The following STK39 variants were observed in gnomAD, a reference collection of about 807,000 sequenced individuals.
STK39 encodes the protein STE20/SPS1-related proline-alanine-rich protein kinase.
A neutral mutation model predicts 77.8 loss-of-function variants in STK39; 20 were observed. That is an observed-to-expected ratio of 0.26 (90% CI 0.18 to 0.37). The LOEUF is 0.37. STK39 is among the 10% of genes least tolerant of loss of function. The pLI is 1.00. For synonymous variants in STK39, 246 were observed against 234.1 expected (o/e 1.05, Z -0.47); for missense variants, 479 against 656.5 (o/e 0.73, Z 2.95).
intron 1 of STK39, among the ~76,000 whole-genome samples, chr2:168,191,529 C>T (rs1375549419): frequency 1.3e-5 from 2 of 152,182 alleles, no homozygotes; most frequent in Non-Finnish European, 2.9e-5. Flanking sequence ...TCAGCCACAC[C>T]TAAGATGTCT....
At chr2:168,077,951 A>T (rs982141512) in intron 10 of STK39, among the ~76,000 whole-genome samples, 1 of 152,040 alleles carries the variant, frequency 6.6e-6, no homozygotes, top group Non-Finnish European at 1.5e-5. Flanking sequence ...CCCACACCCA[A>T]CGATGAGAAT....
At chr2:168,059,280 C>T (rs544006305) in intron 14 of STK39, among the ~76,000 whole-genome samples, 201 of 152,220 alleles carry the variant, frequency 1.3e-3, no homozygotes, top group African/African-American at 4.6e-3. Flanking sequence ...GGACCTATAA[C>T]GATAATGGGA....
chr2:168,096,743 T>C (rs1413614813), intron 10 of STK39, among the ~76,000 whole-genome samples: 7 of 152,148 alleles, frequency 4.6e-5, no homozygotes, highest in Non-Finnish European at 4.4e-5. Context: ...AAGCTCTCCA[T>C]ACAGGAAGAA....
chr2:168,056,526 G>A (rs1008054218), intron 14 of STK39, among the ~76,000 whole-genome samples: 11 of 152,246 alleles, frequency 7.2e-5, no homozygotes, highest in African/African-American at 2.6e-4. Context: ...ACTAGCCTGT[G>A]GAGCATAACA....
chr2:168,045,799 A>G (rs1044292346), intron 14 of STK39, among the ~76,000 whole-genome samples: 1 of 152,182 alleles, frequency 6.6e-6, no homozygotes, highest in African/African-American at 2.4e-5. Flanking sequence ...GCTAGCCCCA[A>G]CCACGACATC....
chr2:168,125,767 T>G (rs1408517639), intron 10 of STK39, among the ~76,000 whole-genome samples: 1 of 152,162 alleles, frequency 6.6e-6, no homozygotes, highest in Non-Finnish European at 1.5e-5. Context: ...ATGTCGATCT[T>G]TTTCCATTTT....
At chr2:168,190,148 C>T (rs1398865256) in intron 1 of STK39, among the ~76,000 whole-genome samples, 2 of 152,140 alleles carry the variant, frequency 1.3e-5, no homozygotes, top group Non-Finnish European at 1.5e-5. Flanking sequence ...AGCCCTTCCA[C>T]CTAGACCACT....
chr2:168,232,167 A>C (rs1487264387), intron 1 of STK39: 1 of 237,686 alleles, frequency 4.2e-6, no homozygotes, highest in Non-Finnish European at 9.5e-6. Context: ...ACTTGCTGTC[A>C]CGTTTTTCAC....
intron 2 of STK39, 100 bp from the exon 3 acceptor site, chr2:168,167,507 G>T: frequency 9.9e-7 from 1 of 1,012,932 alleles, no homozygotes; most frequent in South Asian, 1.4e-5. Context: ...TTTCCTACTC[G>T]AAAGCCTACC....
chr2:168,061,863 G>GA (rs1422405537), intron 14 of STK39, among the ~76,000 whole-genome samples: 1 of 152,184 alleles, frequency 6.6e-6, no homozygotes, highest in Non-Finnish European at 1.5e-5. Context: ...TTAAGGTTCA[G>GA]TAGTACGTGT....
chr2:168,161,820 G>T lies in STK39; in HGVS notation c.595C>A (p.Leu199Ile). 6.2e-7 allele frequency: 1 copy of T among 1,607,966 alleles called. No homozygotes were observed. The highest frequency in any genetic ancestry group is 2.3e-5 in the East Asian group (1 of 44,418). Reference protein sequence around the residue: ...IHRDLKAGNILLGEDGSVQIA... With the variant: ...IHRDLKAGNIILGEDGSVQIA... The stretch of plus-strand genomic sequence containing the variant: ...TGTACTGAACCATCCTCACCCAGAA[G>T]AATATTACCAGCTTTCAAATCCCTA... The change falls in exon 5 of 18, where the codon CTT becomes ATT. Residue 199 changes from leucine to isoleucine, a missense_variant. Leu to Ile is a conservative substitution (Grantham distance 5, BLOSUM62 2). Coordinates refer to ENST00000355999, the MANE Select transcript of STK39 (RefSeq NM_013233.3).
At chr2:167,980,390 G>C (rs1683384670) in intron 16 of STK39, among the ~76,000 whole-genome samples, 2 of 152,176 alleles carry the variant, frequency 1.3e-5, no homozygotes, top group Non-Finnish European at 2.9e-5. Flanking sequence ...CCATTTTATA[G>C]AGAGGTGCTT....
chr2:168,190,641 A>G (rs1286736711), intron 1 of STK39, among the ~76,000 whole-genome samples: 1 of 152,192 alleles, frequency 6.6e-6, no homozygotes, highest in Non-Finnish European at 1.5e-5. Flanking sequence ...ATAAAACACT[A>G]AACAACAACA....
At chr2:168,042,632 T>G (rs1256571708) in intron 14 of STK39, among the ~76,000 whole-genome samples, 1 of 151,420 alleles carries the variant, frequency 6.6e-6, no homozygotes. Flanking sequence ...CCAGGCTAGA[T>G]TGCAGTGGCA....
rs143070526 is a variant in STK39 at position 168,052,121 on chromosome 2, T to A, written c.1376+11379A>T. Among the ~76,000 whole-genome samples, 217 of 151,980 alleles carry A rather than the reference T, an allele frequency of 1.4e-3. 1 individual carries two copies. Among genetic ancestry groups the A allele is most frequent in the Non-Finnish European group, 2.5e-3 (170 of 67,992 alleles). ...GAGACCTAGAGGTGGGAACTGCCAA[T>A]AGACACTGTGCCAAGCCACAGTAAC... On this transcript the variant is annotated intron_variant, in intron 14 of 17. Coordinates refer to ENST00000355999, the MANE Select transcript of STK39 (RefSeq NM_013233.3).
At chr2:168,114,303 T>A (rs1185464832) in intron 10 of STK39, among the ~76,000 whole-genome samples, 1 of 152,114 alleles carries the variant, frequency 6.6e-6, no homozygotes, top group Non-Finnish European at 1.5e-5. Flanking sequence ...CTTAAGAAAA[T>A]AAAAGACAAT....
At chr2:167,970,299 AG>A (rs1692295523) in intron 16 of STK39, among the ~76,000 whole-genome samples, 1 of 152,222 alleles carries the variant, frequency 6.6e-6, no homozygotes, top group African/African-American at 2.4e-5. Flanking sequence ...CAATGAATAC[AG>A]GAACTGTTTT....
At chr2:168,189,546 T>C (rs1689287722) in intron 1 of STK39, among the ~76,000 whole-genome samples, 1 of 152,128 alleles carries the variant, frequency 6.6e-6, no homozygotes, top group African/African-American at 2.4e-5. Flanking sequence ...ATGAAAATTA[T>C]TATTAGGGAG....
chr2:168,188,459 T>C (rs939773242), intron 1 of STK39, among the ~76,000 whole-genome samples: 1 of 152,250 alleles, frequency 6.6e-6, no homozygotes, highest in South Asian at 2.1e-4. Flanking sequence ...TATAAAAGCA[T>C]TGTGAGTCTA....
Sources: gnomAD v4.1 joint callset for allele counts (sites outside exome capture counted in the v4.1 genomes callset) on GRCh38, gnomAD v4.1.1 for gene constraint, MANE v1.5 for transcripts, NCBI Gene and HGNC (gene_info 2026-07-23, HGNC 2026-07-21) for gene names.